PDE4D: variants seen among roughly 807,000 people sequenced by gnomAD.
The protein encoded by PDE4D is phosphodiesterase 4D.
A neutral mutation model predicts 87.4 loss-of-function variants in PDE4D; 24 were observed. That is an observed-to-expected ratio of 0.27 (90% CI 0.20 to 0.39). The LOEUF is 0.39. Among genes scored for constraint, PDE4D ranks in the 10% least tolerant of loss-of-function variants. The pLI, the probability that PDE4D is intolerant of heterozygous loss-of-function variation, is 1.00. For missense variants in PDE4D, 714 were observed against 1,041.0 expected (o/e 0.69, Z 4.32); for synonymous variants, 384 against 383.2 (o/e 1.00, Z -0.02).
intron 1 of PDE4D, among the ~76,000 whole-genome samples, chr5:60,250,969 A>G (rs1252575204): frequency 1.3e-5 from 2 of 151,924 alleles, no homozygotes; most frequent in Non-Finnish European, 2.9e-5. Context: ...TACTGACTCT[A>G]TGTAGGCCTA....
chr5:60,460,251 T>C (rs1323252424), intron 1 of PDE4D: 3 of 1,149,164 alleles, frequency 2.6e-6, no homozygotes, highest in Admixed American at 1.7e-5. Flanking sequence ...ACTTTGAAGA[T>C]GGATCACCAC....
At chr5:59,540,186 T>C (rs1033711093) in intron 1 of PDE4D, among the ~76,000 whole-genome samples, 1 of 152,118 alleles carries the variant, frequency 6.6e-6, no homozygotes, top group African/African-American at 2.4e-5. Context: ...GGGAAGCACA[T>C]TTAGTTCTGT....
chr5:59,367,348 A>C (rs1014581096), intron 1 of PDE4D, among the ~76,000 whole-genome samples: 2 of 152,188 alleles, frequency 1.3e-5, no homozygotes, highest in African/African-American at 2.4e-5. Context: ...AATGTTGATC[A>C]AGTTATTTCT....
rs745559769 is a variant in PDE4D, at chr5:60,475,579, CTT to C, written c.-90+12361_-90+12362del. On this transcript the variant is annotated intron_variant, in intron 1 of 16. Coordinates refer to the PDE4D transcript ENST00000502484. The stretch of plus-strand genomic sequence containing the variant: ...AATAAGGAAAACAAAATATACCACT[CTT>C]GAGTAAGATCTAAATACAAGAACCA... 7.0e-4 allele frequency among the ~76,000 whole-genome samples: 106 copies of C among 152,238 alleles called. 1 individual carries two copies. The highest frequency in any genetic ancestry group is 7.4e-4 in the Non-Finnish European group (50 of 68,008).
chr5:59,964,430 T>A (rs940817256), intron 3 of PDE4D, among the ~76,000 whole-genome samples: 1 of 152,146 alleles, frequency 6.6e-6, no homozygotes, highest in African/African-American at 2.4e-5. Flanking sequence ...GTTGTGAAGT[T>A]TGGCTCTCTT....
chr5:59,780,892 C>T lies in PDE4D; in HGVS notation c.455+112276G>A, dbSNP rs373309478. Among the ~76,000 whole-genome samples the T allele has an allele frequency of 1.3e-4, 20 of 152,242 alleles. No homozygotes were observed. The South Asian group carries it at 2.5e-3, about 19-fold the overall frequency. ...TATCTAAAAGCGATGGTGAGCTGAG[C>T]GCAGTGGCTCATGCCTGTAATCCCA... On this transcript the variant is annotated intron_variant, in intron 1 of 14. Transcript: ENST00000340635.
intron 3 of PDE4D, among the ~76,000 whole-genome samples, chr5:59,938,487 T>C (rs1193960443): frequency 6.6e-6 from 1 of 152,202 alleles, no homozygotes; most frequent in Non-Finnish European, 1.5e-5. Flanking sequence ...AGATGACCTA[T>C]ATGTCTAAAA....
At chr5:60,101,536 G>C (rs1272805774) in intron 2 of PDE4D, among the ~76,000 whole-genome samples, 2 of 152,086 alleles carry the variant, frequency 1.3e-5, no homozygotes, top group African/African-American at 2.4e-5. Flanking sequence ...GTAGATATAA[G>C]ACTTTAGGCC....
intron 1 of PDE4D, among the ~76,000 whole-genome samples, chr5:59,527,001 T>C (rs1483589509): frequency 6.6e-6 from 1 of 152,188 alleles, no homozygotes; most frequent in South Asian, 2.1e-4. Flanking sequence ...TTTTAATTTT[T>C]GACTATTACA....
intron 1 of PDE4D, among the ~76,000 whole-genome samples, chr5:59,737,564 G>C (rs1484242269): frequency 6.6e-6 from 1 of 152,010 alleles, no homozygotes; most frequent in Admixed American, 6.6e-5. Context: ...CTTTACAAAT[G>C]TAAGAAATTA....
intron 5 of PDE4D, among the ~76,000 whole-genome samples, chr5:59,162,096 C>A (rs1014656997): frequency 1.3e-5 from 2 of 152,156 alleles, no homozygotes; most frequent in African/African-American, 4.8e-5. Flanking sequence ...TTTTACAGAA[C>A]CTTTCATCCA....
intron 1 of PDE4D, among the ~76,000 whole-genome samples, chr5:59,577,127 G>A (rs1428132795): frequency 1.3e-5 from 2 of 152,128 alleles, no homozygotes; most frequent in African/African-American, 4.8e-5. Context: ...GAGGATATAT[G>A]AAAAAGGAAG....
intron 2 of PDE4D, among the ~76,000 whole-genome samples, chr5:59,197,066 GT>G (rs1255888121): frequency 6.6e-6 from 1 of 152,020 alleles, no homozygotes; most frequent in Non-Finnish European, 1.5e-5. Flanking sequence ...CTACTATAAA[GT>G]TTATTTTTTT....
At chr5:60,311,319 G>A (rs1401499809) in intron 1 of PDE4D, among the ~76,000 whole-genome samples, 1 of 152,184 alleles carries the variant, frequency 6.6e-6, no homozygotes. Flanking sequence ...ACCGCGCCCG[G>A]CTGGCAAGTC....
intron 3 of PDE4D, chr5:59,988,395 A>T: frequency 1.4e-6 from 1 of 714,230 alleles, no homozygotes; most frequent in Non-Finnish European, 2.2e-6. Flanking sequence ...CTCCCACTCA[A>T]ATCAAGCAAT....
chr5:59,913,254 C>T (rs572078064), intron 3 of PDE4D, among the ~76,000 whole-genome samples: 78 of 152,188 alleles, frequency 5.1e-4, no homozygotes, highest in Non-Finnish European at 9.6e-4. Context: ...CAAGATGGTT[C>T]CTTAATCCCA....
At chr5:59,327,085 G>T (rs1399704683) in intron 1 of PDE4D, among the ~76,000 whole-genome samples, 1 of 148,402 alleles carries the variant, frequency 6.7e-6, no homozygotes, top group Non-Finnish European at 1.5e-5. Context: ...GGAATGAATG[G>T]ACACATTATT....
At chr5:59,224,182 T>C (rs1753200296) in intron 1 of PDE4D, among the ~76,000 whole-genome samples, 1 of 147,714 alleles carries the variant, frequency 6.8e-6, no homozygotes, top group South Asian at 2.2e-4. Context: ...CCTGTGGTGC[T>C]GAGGCAGGAG....
intron 1 of PDE4D, among the ~76,000 whole-genome samples, chr5:60,433,284 A>G (rs1744503247): frequency 6.6e-6 from 1 of 152,182 alleles, no homozygotes; most frequent in African/African-American, 2.4e-5. Context: ...ACTTTTCAAA[A>G]TAAGACATTT....
Sources: allele counts gnomAD v4.1 joint callset (sites outside exome capture counted in the v4.1 genomes callset), GRCh38; gene constraint gnomAD v4.1.1; transcripts MANE v1.5; gene names NCBI Gene and HGNC (gene_info 2026-07-23, HGNC 2026-07-21).